The following CDKL1 variants were observed in gnomAD, a reference collection of about 807,000 sequenced individuals.
The protein encoded by CDKL1 is cyclin dependent kinase like 1, also known as cyclin-dependent kinase-like 1.
Under a neutral mutation model 42.0 loss-of-function variants are expected in CDKL1, and 41 were observed. That is an observed-to-expected ratio of 0.98 (90% CI 0.76 to 1.27). The LOEUF is 1.27. Among genes scored for constraint, CDKL1 ranks in the 50% most tolerant of loss-of-function variants. The probability of loss-of-function intolerance (pLI) is 0.00; values close to 1 mark genes in which losing one functional copy is unlikely to be tolerated. For missense variants in CDKL1, 394 were observed against 428.4 expected (o/e 0.92, Z 0.71); for synonymous variants, 153 against 158.6 (o/e 0.96, Z 0.26).
chr14:50,377,464 C>T (rs1313906310), intron 2 of CDKL1: 4 of 679,068 alleles, frequency 5.9e-6, no homozygotes, highest in Non-Finnish European at 5.8e-6. Flanking sequence ...TATCACTTCC[C>T]AAAATAAACT....
At chr14:50,393,160 T>C (rs2035307535) in intron 2 of CDKL1, among the ~76,000 whole-genome samples, 1 of 152,188 alleles carries the variant, frequency 6.6e-6, no homozygotes, top group Admixed American at 6.5e-5. Flanking sequence ...TCCCTAAACA[T>C]TTCAAAGTTC....
intron 2 of CDKL1, among the ~76,000 whole-genome samples, chr14:50,385,803 C>CAA (rs4027866): frequency 0.32 from 24,699 of 77,224 alleles, 2,908 homozygotes; most frequent in Non-Finnish European, 0.34. Flanking sequence ...GACTCCGTCC[C>CAA]AAAAAAAAAA....
chr14:50,330,307 A>T, intron 9 of CDKL1, 126 bp from the exon 10 acceptor site: 1 of 1,161,136 alleles, frequency 8.6e-7, no homozygotes. Flanking sequence ...CACACAATCC[A>T]GGACTTGAGA....
Position 50,330,151 on chromosome 14 carries a change from T to C in CDKL1, c.997A>G (p.Ser333Gly). ...LQYLPQLTGS[S>G]ILPALDNKKY... ...TTATTATCCAAAGCTGGAAGGATGCTGCTGCCAGTTAGCTGGGGTAGGTAC... is the reference window on the plus strand; with the variant it reads ...TTATTATCCAAAGCTGGAAGGATGCCGCTGCCAGTTAGCTGGGGTAGGTAC... The change falls in exon 10 of 10, where the codon AGC becomes GGC. Residue 333 changes from serine (S) to glycine (G), a missense_variant. Coordinates refer to ENST00000395834, the MANE Select transcript of CDKL1 (RefSeq NM_004196.7). The C allele has an allele frequency of 6.2e-7, 1 of 1,607,644 alleles. No individual in the cohort carries two copies. The highest frequency in any genetic ancestry group is 1.3e-5 in the African/African-American group (1 of 74,654).
chr14:50,397,246 C>T (rs1373832319), upstream of CDKL1: 1 of 1,366,600 alleles, frequency 7.3e-7, no homozygotes, highest in Non-Finnish European at 9.8e-7. Context: ...CCCTTTGGTC[C>T]CTTGGAGGCA....
intron 2 of CDKL1, among the ~76,000 whole-genome samples, chr14:50,367,156 C>T (rs1199486923): frequency 1.3e-5 from 2 of 152,150 alleles, no homozygotes; most frequent in Admixed American, 6.5e-5. Flanking sequence ...AGAGAGAAGA[C>T]AGCAGAGCAG....
rs189159896 is a variant in CDKL1 at position 50,369,775 on chromosome 14, C to A, written c.169-10626G>T. 3.2e-3 allele frequency among the ~76,000 whole-genome samples: 491 copies of A among 151,316 alleles called. 2 individuals are homozygous for A. The highest frequency in any genetic ancestry group is 5.8e-3 in the Admixed American group (88 of 15,200). On this transcript the variant is annotated intron_variant, in intron 2 of 9. Transcript: ENST00000395834. ...CTGGGATTACAGGCACCAGCCACCA[C>A]CCCCAACTAATTTCTGTATTTTTAG...
intron 5 of CDKL1, 126 bp downstream of exon 5, chr14:50,342,006 T>G (rs930302855): frequency 1.4e-6 from 1 of 715,528 alleles, no homozygotes; most frequent in Non-Finnish European, 2.3e-6. Context: ...AAATTATAAT[T>G]TATAGCACAC....
At chr14:50,363,188 G>A (rs912937968) in intron 2 of CDKL1, 10 of 219,432 alleles carry the variant, frequency 4.6e-5, no homozygotes, top group Non-Finnish European at 8.8e-5. Flanking sequence ...AACAAACTCC[G>A]GACACGCCGC....
At chr14:50,383,774 G>A (rs2034993867) in intron 2 of CDKL1, among the ~76,000 whole-genome samples, 3 of 152,094 alleles carry the variant, frequency 2.0e-5, no homozygotes, top group African/African-American at 4.8e-5. Context: ...TGTAGTGGCG[G>A]CAGAACACTG....
At chr14:50,341,574 T>G (rs1045023934) in intron 5 of CDKL1, among the ~76,000 whole-genome samples, 7 of 151,330 alleles carry the variant, frequency 4.6e-5, no homozygotes, top group Non-Finnish European at 1.0e-4. Flanking sequence ...AGCCCAGGAG[T>G]TCGAGACCAG....
At chr14:50,345,776 A>G (rs1414381874) in intron 3 of CDKL1, among the ~76,000 whole-genome samples, 3 of 152,142 alleles carry the variant, frequency 2.0e-5, no homozygotes, top group African/African-American at 7.2e-5. Flanking sequence ...CAGCCCAGGT[A>G]CATCTTTCTA....
intron 2 of CDKL1, among the ~76,000 whole-genome samples, chr14:50,394,957 C>T (rs188506947): frequency 6.6e-6 from 1 of 152,022 alleles, no homozygotes; most frequent in Non-Finnish European, 1.5e-5. Context: ...GCCAACATAG[C>T]AAGATCCCAT....
chr14:50,379,566 CATG>C (rs2139512087), intron 2 of CDKL1, among the ~76,000 whole-genome samples: 1 of 152,248 alleles, frequency 6.6e-6, no homozygotes, highest in Admixed American at 6.5e-5. Context: ...ATAAAATTAC[CATG>C]ATGAGAAGCA....
At chr14:50,390,333 A>G (rs1469733463) in intron 2 of CDKL1, 1 of 1,366,366 alleles carries the variant, frequency 7.3e-7, no homozygotes. Flanking sequence ...CCTGTCCTTG[A>G]CCTCCAACTC....
rs546343943 is a variant in CDKL1 at position 50,346,107 on chromosome 14, G to A, written c.291-1049C>T. On this transcript the variant is annotated intron_variant, in intron 3 of 9. Coordinates refer to ENST00000395834, the MANE Select transcript of CDKL1 (RefSeq NM_004196.7). ...AAATCAGGGAGGAAGCTCTTGAGTA[G>A]CTGTGTTAAGGGGACTACAAAAAGT... Among the ~76,000 whole-genome samples, 15 of 152,236 alleles carry A rather than the reference G, an allele frequency of 9.9e-5. No individual in the cohort carries two copies. In the East Asian group the frequency reaches 2.5e-3, roughly 26 times the overall value.
intron 7 of CDKL1, chr14:50,335,712 A>G: frequency 1.0e-6 from 1 of 985,076 alleles, no homozygotes; most frequent in South Asian, 4.7e-5. Flanking sequence ...TGTGTGTATA[A>G]AAGTGGCAGT....
intron 2 of CDKL1, chr14:50,377,636 AGT>A: frequency 7.8e-7 from 1 of 1,280,318 alleles, no homozygotes; most frequent in Non-Finnish European, 1.0e-6. Flanking sequence ...GCTGATGATA[AGT>A]GGGGTGGGAG....
rs1414185321 is a variant in CDKL1 at position 50,332,356 on chromosome 14, C to T, written c.872G>A (p.Arg291Lys). Residue 291 changes from arginine (R) to lysine (K), a missense_variant, in exon 9 of 10, where the codon AGA (arginine) becomes AAA (lysine). Arg to Lys is a conservative substitution (Grantham distance 26). Coordinates refer to ENST00000395834, the MANE Select transcript of CDKL1 (RefSeq NM_004196.7). ...LLHHPYFENI[R>K]EIEDLAKEHN... ...TTCTTTTGCCAAATCCTCTATTTCT[C>T]TGATGTTTTCAAAATATGGGTGATG... The T allele has an allele frequency of 3.1e-6, 5 of 1,614,088 alleles. No individual in the cohort carries two copies. Among genetic ancestry groups the T allele is most frequent in the Admixed American group, 1.7e-5 (1 of 60,006 alleles).
Sources: allele counts gnomAD v4.1 joint callset (sites outside exome capture counted in the v4.1 genomes callset), GRCh38; gene constraint gnomAD v4.1.1; transcripts MANE v1.5; gene names NCBI Gene and HGNC (gene_info 2026-07-23, HGNC 2026-07-21).